Variants in KCNQ4 observed in about 807,000 individuals in gnomAD.
KCNQ4 encodes potassium voltage-gated channel subfamily Q member 4.
In KCNQ4, 31 loss-of-function variants were observed where a neutral mutation model predicts 72.6. The observed-to-expected ratio is 0.43, with a 90% confidence interval of 0.32 to 0.58. The LOEUF (loss-of-function observed/expected upper bound fraction) is 0.58, where lower values mean the gene tolerates loss of function less well. Among genes scored for constraint, KCNQ4 ranks in the 20% least tolerant of loss-of-function variants. The pLI is 0.08. For missense variants in KCNQ4, 869 were observed against 962.6 expected, an observed-to-expected ratio of 0.90 and a Z score of 1.29; for synonymous variants, 405 against 403.7, an observed-to-expected ratio of 1.00 and a Z score of -0.04.
chr1:40,824,359 G>T (rs2148324382), intron 9 of KCNQ4, 101 bp downstream of exon 9: 1 of 1,326,742 alleles, frequency 7.5e-7, no homozygotes, highest in East Asian at 2.5e-5. Flanking sequence ...CACTTCGTGG[G>T]TGTCTGGGCC....
At position 40,835,002 on chromosome 1, in the gene KCNQ4, AG is replaced by A; in HGVS notation, c.1651del (p.Glu551ArgfsTer8). Reference sequence around the variant, plus strand: ...TTCCTGGTGGCCAAAAGGAAATTCAAGGAGACACTGCGACCGTACGACGTGA... The same window carrying A: ...TTCCTGGTGGCCAAAAGGAAATTCAAGAGACACTGCGACCGTACGACGTGA... ...LKFLVAKRKFKETLRPYDVKD... is the reference protein window; with the variant it reads ...LKFLVAKRKFXETLRPYDVKD... On this transcript the variant is annotated frameshift_variant, in exon 12 of 14. Coordinates refer to ENST00000347132, the MANE Select transcript of KCNQ4 (RefSeq NM_004700.4). LOFTEE classifies it high-confidence loss of function. 1 of 1,614,004 alleles carries A rather than the reference AG, an allele frequency of 6.2e-7. No individual in the cohort carries two copies. The highest frequency in any genetic ancestry group is 8.5e-7 in the Non-Finnish European group (1 of 1,179,908).
At chr1:40,820,319 C>A in intron 7 of KCNQ4, 59 bp downstream of exon 7, 1 of 1,407,240 alleles carries the variant, frequency 7.1e-7, no homozygotes, top group Non-Finnish European at 9.9e-7. Flanking sequence ...ACTGGTGTGT[C>A]AACCCTGTGT....
intron 1 of KCNQ4, among the ~76,000 whole-genome samples, chr1:40,803,299 C>A (rs1277903552): frequency 6.6e-6 from 1 of 152,226 alleles, no homozygotes; most frequent in African/African-American, 2.4e-5. Context: ...GAGACTCCCA[C>A]CCAATCCCTT....
chr1:40,784,514 C>T lies in KCNQ4; in HGVS notation c.314+107C>T. 1 of 1,045,422 alleles carries T rather than the reference C, an allele frequency of 9.6e-7. No homozygotes were observed. The highest frequency in any genetic ancestry group is 1.3e-5 in the South Asian group (1 of 77,792). The allele number at this position is 1,045,422 out of a possible 1,614,324, so 64.8% of individuals were successfully genotyped here. A position where few individuals can be genotyped will look rare whatever the true frequency, so the allele number is the denominator to read the frequency against. On this transcript the variant is annotated intron_variant, in intron 1 of 13. Transcript: ENST00000347132. This position sits in a 1 kb window ranked among gnomAD's most constrained non-coding sequence, Gnocchi z 4.1. ...GCCTTCTACCCCCCTGCCTCAGGGC[C>T]GACCCTCATCTCTCTCCCCCCAGGC...
intron 1 of KCNQ4, among the ~76,000 whole-genome samples, chr1:40,815,174 A>C (rs1648045330): frequency 6.7e-6 from 1 of 149,566 alleles, no homozygotes; most frequent in African/African-American, 2.5e-5. Flanking sequence ...CGGGAGGCGG[A>C]GGTTGCAGTG....
At chr1:40,815,036 TC>T (rs1289093839) in intron 1 of KCNQ4, among the ~76,000 whole-genome samples, 1 of 151,706 alleles carries the variant, frequency 6.6e-6, no homozygotes, top group Non-Finnish European at 1.5e-5. Context: ...GGTCAGGAGA[TC>T]AAGACCATCC....
chr1:40,793,332 C>T (rs1386610900), intron 1 of KCNQ4, among the ~76,000 whole-genome samples: 3 of 152,146 alleles, frequency 2.0e-5, no homozygotes, highest in Non-Finnish European at 4.4e-5. Context: ...TCAAACCTGC[C>T]TCTGTGGCTT....
At chr1:40,830,860 TGTGGGTG>T (rs1449537711) in intron 9 of KCNQ4, among the ~76,000 whole-genome samples, 1 of 152,142 alleles carries the variant, frequency 6.6e-6, no homozygotes, top group Non-Finnish European at 1.5e-5. Context: ...AGGGGTGGGA[TGTGGGTG>T]GTGGGGAGAG....
chr1:40,820,386 G>A lies in KCNQ4; in HGVS notation c.1041+126G>A, dbSNP rs1027602825. On this transcript the variant is annotated intron_variant, in intron 7 of 13. Transcript: ENST00000347132. ...CCACTTTGAAGCTCAAAAGGGCTATGTGACTTTCCTGGAGCCACATGCCAA... is the reference window on the plus strand; with the variant it reads ...CCACTTTGAAGCTCAAAAGGGCTATATGACTTTCCTGGAGCCACATGCCAA... 48 of 834,796 alleles carry A rather than the reference G, an allele frequency of 5.7e-5. No individual in the cohort carries two copies. The Admixed American group carries it at 8.4e-4, about 15-fold the overall frequency. The allele number at this position is 834,796 out of a possible 1,614,324, so 51.7% of individuals were successfully genotyped here. A position where few individuals can be genotyped will look rare whatever the true frequency, so the allele number is the denominator to read the frequency against.
intron 1 of KCNQ4, among the ~76,000 whole-genome samples, chr1:40,790,936 TGCCAGAGG>T (rs1647268683): frequency 6.6e-6 from 1 of 152,108 alleles, no homozygotes; most frequent in Non-Finnish European, 1.5e-5. Flanking sequence ...GGACGGTGTA[TGCCAGAGG>T]GCCACTGTGC....
At chr1:40,838,242 C>T (rs1211918256) in intron 13 of KCNQ4, 69 bp from the exon 14 acceptor site, 2 of 1,415,188 alleles carry the variant, frequency 1.4e-6, no homozygotes, top group Non-Finnish European at 2.0e-6. Flanking sequence ...GCCCCGAGAC[C>T]CAAGCCCCGC....
rs898977186 is a variant in KCNQ4, at chr1:40,817,077, G to A, written c.315-188G>A. The stretch of plus-strand genomic sequence containing the variant: ...GATAGTTGTGAGGTCCAGTAGCTTG[G>A]GGCTTGAGGGCTGCTGCCTTTGGTG... On this transcript the variant is annotated intron_variant, in intron 1 of 13. Coordinates refer to ENST00000347132, the MANE Select transcript of KCNQ4 (RefSeq NM_004700.4). This position sits in a 1 kb window ranked among gnomAD's most constrained non-coding sequence, Gnocchi z 5.5. 6.6e-6 allele frequency among the ~76,000 whole-genome samples: 1 copy of A among 152,238 alleles called. No individual in the cohort carries two copies. The highest frequency in any genetic ancestry group is 2.4e-5 in the African/African-American group (1 of 41,460).
In KCNQ4 at chr1:40,817,236, TAAC is replaced by T; in HGVS notation, c.315-28_315-26del. 6.3e-7 allele frequency: 1 copy of T among 1,597,648 alleles called. No homozygotes were observed. Among genetic ancestry groups the T allele is most frequent in the Non-Finnish European group, 8.6e-7 (1 of 1,166,372 alleles). The stretch of plus-strand genomic sequence containing the variant: ...TGGCTGTCCTGTCCCTCCAACAATC[TAAC>T]CCTCTCCCTCATGTTGTAATTGCAG... On this transcript the variant is annotated intron_variant, in intron 1 of 13. Transcript: ENST00000347132. This position sits in a 1 kb window ranked among gnomAD's most constrained non-coding sequence, Gnocchi z 5.5.
intron 6 of KCNQ4, 42 bp downstream of exon 6, chr1:40,820,027 G>A (rs1420355228): frequency 3.8e-6 from 6 of 1,574,058 alleles, no homozygotes; most frequent in African/African-American, 1.3e-5. Context: ...GGCTGAGGGT[G>A]GGACCTGCTC....
At chr1:40,826,611 G>C (rs1247941642) in intron 9 of KCNQ4, 2 of 454,274 alleles carry the variant, frequency 4.4e-6, no homozygotes, top group Non-Finnish European at 8.9e-6. Flanking sequence ...GCTAACCTCT[G>C]TTCGTGTCTT....
In KCNQ4 at chr1:40,836,917, G is replaced by A. The variant is rs567205336; in HGVS notation, c.1746-748G>A. Among the ~76,000 whole-genome samples, 5 of 152,110 alleles carry A rather than the reference G, an allele frequency of 3.3e-5. No individual in the cohort carries two copies. In the East Asian group the frequency reaches 7.7e-4, roughly 23 times the overall value. ...GAGAAGGGGAGGAAAGGAATTGGAG[G>A]TAGAGGATAGAGATAACACTTTCAA... On this transcript the variant is annotated intron_variant, in intron 12 of 13. Coordinates refer to ENST00000347132, the MANE Select transcript of KCNQ4 (RefSeq NM_004700.4).
At chr1:40,791,316 G>A (rs1647279512) in intron 1 of KCNQ4, among the ~76,000 whole-genome samples, 1 of 152,304 alleles carries the variant, frequency 6.6e-6, no homozygotes, top group Middle Eastern at 3.4e-3. Context: ...GAAATGCATA[G>A]GGTACCAGGT....
intron 7 of KCNQ4, 136 bp downstream of exon 7, chr1:40,820,396 T>G: frequency 2.6e-6 from 2 of 767,948 alleles, no homozygotes; most frequent in South Asian, 3.0e-5. Context: ...GTGACTTTCC[T>G]GGAGCCACAT....
At chr1:40,836,506 G>T (rs886482849) in intron 12 of KCNQ4, among the ~76,000 whole-genome samples, 5 of 152,158 alleles carry the variant, frequency 3.3e-5, no homozygotes, top group Admixed American at 6.5e-5. Context: ...TGAAGATTTG[G>T]TGTCGAAAGT....
Sources: allele counts gnomAD v4.1 joint callset (sites outside exome capture counted in the v4.1 genomes callset), GRCh38; gene constraint gnomAD v4.1.1; non-coding constraint Gnocchi (gnomAD v3.1); transcripts MANE v1.5; gene names NCBI Gene and HGNC (gene_info 2026-07-23, HGNC 2026-07-21).